The following COL4A5 variants were observed in gnomAD, a reference collection of about 807,000 sequenced individuals.
COL4A5 encodes collagen alpha-5(IV) chain.
COL4A5 carries 26 observed loss-of-function variants against 130.2 expected under a neutral mutation model. That is an observed-to-expected ratio of 0.20 (90% CI 0.15 to 0.28). COL4A5 has a LOEUF of 0.28. Among genes scored for constraint, COL4A5 ranks in the 10% least tolerant of loss-of-function variants. The pLI, the probability that COL4A5 is intolerant of heterozygous loss-of-function variation, is 1.00. For missense variants in COL4A5, 1,131 were observed against 1,344.3 expected (o/e 0.84, Z 2.48); for synonymous variants, 496 against 439.6 (o/e 1.13, Z -1.60).
Position 108,694,837 on chromosome X carries a change from G to A in COL4A5, c.4737G>A (p.Val1579=), listed in dbSNP as rs781238906. 1 of 1,210,002 alleles carries A rather than the reference G, an allele frequency of 8.3e-7. No individual in the cohort carries two copies. Among genetic ancestry groups the A allele is most frequent in the East Asian group, 3.0e-5 (1 of 33,804 alleles). ...RCAVCEAPAV[V]IAVHSQTIQI... ...CAGTATGTGAAGCTCCAGCTGTGGTGATCGCAGTTCACAGTCAGACGATCC... is the reference window on the plus strand; with the variant it reads ...CAGTATGTGAAGCTCCAGCTGTGGTAATCGCAGTTCACAGTCAGACGATCC... Residue 1579 remains valine, a synonymous_variant, in exon 51 of 53, where the codon GTG becomes GTA. Transcript: ENST00000328300.
chrX:108,463,600 A>C (rs1228684882), intron 1 of COL4A5, among the ~76,000 whole-genome samples: 1 of 111,754 alleles, frequency 8.9e-6, no homozygotes, highest in Non-Finnish European at 1.9e-5. Context: ...GAGAAATGAC[A>C]GTGGCATCCC....
rs780358022 is a variant in COL4A5, at chrX:108,476,788, TC to T, written c.81+36584del. Among the ~76,000 whole-genome samples the T allele has an allele frequency of 9.8e-5, 11 of 111,832 alleles. No homozygotes were observed. In the South Asian group the frequency reaches 3.7e-3, roughly 38 times the overall value. On this transcript the variant is annotated intron_variant, in intron 1 of 52. Transcript: ENST00000328300. ...CATTCCTTTTATGGCTGAATAGTACTCCATTGTGTATATATACCACATTTTC... is the reference window on the plus strand; with the variant it reads ...CATTCCTTTTATGGCTGAATAGTACTCATTGTGTATATATACCACATTTTC...
At chrX:108,541,961 CCAAT>C (rs1238189912) in intron 2 of COL4A5, among the ~76,000 whole-genome samples, 1 of 111,333 alleles carries the variant, frequency 9.0e-6, no homozygotes, top group Admixed American at 9.5e-5. Context: ...AATAAAAAGA[CCAAT>C]CAATGAAAAC....
At chrX:108,558,598 T>C (rs886969587) in intron 2 of COL4A5, among the ~76,000 whole-genome samples, 2 of 112,225 alleles carry the variant, frequency 1.8e-5, no homozygotes, top group African/African-American at 6.5e-5. Flanking sequence ...ATGTATTCAT[T>C]TTTAGTATTA....
At chrX:108,472,944 T>C (rs1288008762) in intron 1 of COL4A5, among the ~76,000 whole-genome samples, 2 of 112,078 alleles carry the variant, frequency 1.8e-5, no homozygotes, top group Non-Finnish European at 3.8e-5. Context: ...TCTTTTAGCT[T>C]TTTGATAACA....
chrX:108,618,714 GT>G (rs749952836), intron 30 of COL4A5, among the ~76,000 whole-genome samples: 5 of 108,316 alleles, frequency 4.6e-5, no homozygotes, highest in African/African-American at 1.0e-4. Context: ...TAAATGCTTA[GT>G]TTTTTTTTCC....
intron 1 of COL4A5, among the ~76,000 whole-genome samples, chrX:108,474,298 A>T (rs1326161149): frequency 8.9e-6 from 1 of 111,740 alleles, no homozygotes; most frequent in East Asian, 2.8e-4. Flanking sequence ...CATATTTTAT[A>T]TTTCATATCA....
intron 36 of COL4A5, among the ~76,000 whole-genome samples, chrX:108,635,166 C>T (rs1203544991): frequency 1.8e-5 from 2 of 110,570 alleles, no homozygotes; most frequent in African/African-American, 6.6e-5. Context: ...GTGTACATGA[C>T]CTTGATAAGT....
intron 1 of COL4A5, among the ~76,000 whole-genome samples, chrX:108,504,165 G>T (rs1163857404): frequency 9.0e-6 from 1 of 111,619 alleles, no homozygotes; most frequent in Non-Finnish European, 1.9e-5. Flanking sequence ...ATATGGTGCT[G>T]GGAAAATTGG....
intron 48 of COL4A5, among the ~76,000 whole-genome samples, chrX:108,687,150 G>T (rs970987165): frequency 8.9e-6 from 1 of 112,189 alleles, no homozygotes; most frequent in Non-Finnish European, 1.9e-5. Context: ...CCCCCAGACG[G>T]ATTCAAAGGA....
intron 36 of COL4A5, among the ~76,000 whole-genome samples, chrX:108,648,392 T>C: frequency 9.0e-6 from 1 of 111,419 alleles, no homozygotes. Context: ...GAGCCCTCCC[T>C]AATTCATTTT....
At chrX:108,506,552 A>C (rs2065126167) in intron 1 of COL4A5, among the ~76,000 whole-genome samples, 1 of 111,294 alleles carries the variant, frequency 9.0e-6, no homozygotes, top group African/African-American at 3.3e-5. Flanking sequence ...AGGAGAGTGC[A>C]ACTTAGATTC....
chrX:108,591,215 C>T lies in COL4A5; in HGVS notation c.1323C>T (p.Gly441=). The change falls in exon 20 of 53, where the codon GGC becomes GGT. Residue 441 remains glycine, a synonymous_variant. Coordinates refer to ENST00000328300, the MANE Select transcript of COL4A5 (RefSeq NM_033380.3). The stretch of plus-strand genomic sequence containing the variant: ...TTCCAGGGCCTCCTGGCCCTGCTGG[C>T]CCTCACATTCCTCCTAGTAAGCTAT... The part of the protein sequence containing the change: ...PGLPGPPGPA[G]PHIPPSDEIC... 8.3e-7 allele frequency: 1 copy of T among 1,208,209 alleles called. No homozygotes were observed. Among genetic ancestry groups the T allele is most frequent in the East Asian group, 3.0e-5 (1 of 33,797 alleles).
chrX:108,621,843 A>G lies in COL4A5; in HGVS notation c.2718A>G (p.Pro906=), dbSNP rs777586587. Residue 906 remains proline, a synonymous_variant, in exon 32 of 53, where the codon CCA becomes CCG. Transcript: ENST00000328300. ...GEMGMMGPPG[P]PGPLGIPGRS... Reference sequence around the variant, plus strand: ...TGGGTATGATGGGACCTCCAGGCCCACCAGGACCTTTGGGAATTCCTGGCA... The same window carrying G: ...TGGGTATGATGGGACCTCCAGGCCCGCCAGGACCTTTGGGAATTCCTGGCA... 6 of 1,210,554 alleles carry G rather than the reference A, an allele frequency of 5.0e-6. No homozygotes were observed. In the East Asian group the frequency reaches 1.5e-4, roughly 30 times the overall value.
At chrX:108,674,358 C>G (rs2068263830) in intron 42 of COL4A5, 2 of 128,376 alleles carry the variant, frequency 1.6e-5, no homozygotes, top group Admixed American at 1.8e-4. Flanking sequence ...AAAAATACCC[C>G]TTTACTAAAG....
chrX:108,681,955 G>A, intron 47 of COL4A5, 67 bp downstream of exon 47: 1 of 1,036,720 alleles, frequency 9.6e-7, no homozygotes, highest in Non-Finnish European at 1.3e-6. Flanking sequence ...TGTGCAGAAT[G>A]TACAGGTTTG....
At chrX:108,521,414 A>G (rs2065263927) in intron 1 of COL4A5, among the ~76,000 whole-genome samples, 1 of 110,884 alleles carries the variant, frequency 9.0e-6, no homozygotes, top group African/African-American at 3.3e-5. Context: ...TTTGGAGGAA[A>G]GGCCAGGTTT....
At chrX:108,525,133 T>C (rs58304464) in intron 1 of COL4A5, among the ~76,000 whole-genome samples, 11,505 of 111,476 alleles carry the variant, frequency 0.1, 1,286 homozygotes, top group African/African-American at 0.33. Context: ...TTTCTTACTT[T>C]GATTCAGCCA....
intron 1 of COL4A5, among the ~76,000 whole-genome samples, chrX:108,465,035 G>A (rs1284796732): frequency 8.9e-6 from 1 of 111,839 alleles, no homozygotes; most frequent in Non-Finnish European, 1.9e-5. Context: ...AAAAAGTTCC[G>A]TTTGTTTTTC....
Sources: allele counts gnomAD v4.1 joint callset (sites outside exome capture counted in the v4.1 genomes callset), GRCh38; gene constraint gnomAD v4.1.1; transcripts MANE v1.5; gene names NCBI Gene and HGNC (gene_info 2026-07-23, HGNC 2026-07-21).